The following RALGPS1 variants were observed in gnomAD, a reference collection of about 807,000 sequenced individuals.
RALGPS1 encodes Ral GEF with PH domain and SH3 binding motif 1, also known as ras-specific guanine nucleotide-releasing factor RalGPS1.
In RALGPS1, 19 loss-of-function variants were observed where a neutral mutation model predicts 78.8. The observed-to-expected ratio is 0.24, with a 90% CI of 0.17 to 0.35. RALGPS1 has a LOEUF of 0.35. Ranked by LOEUF, RALGPS1 falls within the 10% of genes least tolerant of loss-of-function variation. RALGPS1 has a pLI of 1.00. For synonymous variants in RALGPS1, 228 were observed against 256.3 expected (o/e 0.89, Z 1.06); for missense variants, 454 against 688.3 (o/e 0.66, Z 3.81).
At chr9:127,149,379 A>G (rs964912700) in intron 8 of RALGPS1, among the ~76,000 whole-genome samples, 3 of 152,230 alleles carry the variant, frequency 2.0e-5, no homozygotes, top group Non-Finnish European at 2.9e-5. Context: ...GGATCTTACT[A>G]AAGGAAGCGT....
chr9:127,197,386 C>T (rs934797312), intron 13 of RALGPS1, among the ~76,000 whole-genome samples: 2 of 151,964 alleles, frequency 1.3e-5, no homozygotes, highest in African/African-American at 4.8e-5. Flanking sequence ...GTCTGTGTGT[C>T]TGTGTGTCTG....
rs779182915 is a variant in RALGPS1 at position 127,118,344 on chromosome 9, T to C, written c.611-47725T>C. On this transcript the variant is annotated intron_variant, in intron 8 of 18. Coordinates refer to ENST00000259351, the MANE Select transcript of RALGPS1 (RefSeq NM_014636.3). ...TAGAAACTACCCCCAGAATGAGGCT[T>C]CTGACGTGACCAGTGTATCACCACA... Among the ~76,000 whole-genome samples, 32 of 152,366 alleles carry C rather than the reference T, an allele frequency of 2.1e-4. No individual in the cohort carries two copies. In the East Asian group the frequency reaches 3.9e-3, roughly 18 times the overall value.
rs558716914 is a variant in RALGPS1 at position 127,074,080 on chromosome 9, C to A, written c.610+4724C>A. ...TATTTTTGGTAGAGACGGGGTTTCA[C>A]CATGTTGGCCAGGCTGGTCTCGAAC... On this transcript the variant is annotated intron_variant, in intron 8 of 18. Transcript: ENST00000259351. Among the ~76,000 whole-genome samples, 371 of 152,272 alleles carry A rather than the reference C, an allele frequency of 2.4e-3. 3 individuals carry two copies. The highest frequency in any genetic ancestry group is 8.4e-3 in the African/African-American group (350 of 41,552).
intron 6 of RALGPS1, among the ~76,000 whole-genome samples, chr9:127,051,233 G>A (rs2048285054): frequency 6.6e-6 from 1 of 152,250 alleles, no homozygotes; most frequent in Non-Finnish European, 1.5e-5. Context: ...TGGGCCACAA[G>A]AGAAAGTAGG....
At chr9:127,210,403 C>G (rs984171678) in intron 14 of RALGPS1, 1 of 449,696 alleles carries the variant, frequency 2.2e-6, no homozygotes, top group South Asian at 2.7e-5. Flanking sequence ...AGTGGGCGTG[C>G]CTGGATTTTA....
At chr9:126,982,899 CTTT>C (rs2041412098) in intron 4 of RALGPS1, among the ~76,000 whole-genome samples, 3 of 100,768 alleles carry the variant, frequency 3.0e-5, no homozygotes, top group Non-Finnish European at 2.1e-5. Context: ...TTCTTCTCTT[CTTT>C]TCTTCTTCTT....
chr9:127,165,593 T>C (rs1357368971), intron 8 of RALGPS1, among the ~76,000 whole-genome samples: 2 of 152,236 alleles, frequency 1.3e-5, no homozygotes, highest in Non-Finnish European at 2.9e-5. Context: ...TAATTTTTTC[T>C]TTTGTTTCTT....
At chr9:127,092,777 C>T (rs1316845612) in intron 8 of RALGPS1, among the ~76,000 whole-genome samples, 1 of 151,978 alleles carries the variant, frequency 6.6e-6, no homozygotes, top group Non-Finnish European at 1.5e-5. Flanking sequence ...GAGGAGTCTC[C>T]CGCTCCTAAT....
intron 8 of RALGPS1, among the ~76,000 whole-genome samples, chr9:127,157,260 G>T (rs1341778557): frequency 6.6e-6 from 1 of 151,980 alleles, no homozygotes; most frequent in African/African-American, 2.4e-5. Flanking sequence ...TTGCAATGTT[G>T]TGTCTTCCCA....
At chr9:127,217,121 T>C in intron 18 of RALGPS1, 2 of 1,340,752 alleles carry the variant, frequency 1.5e-6, no homozygotes, top group Non-Finnish European at 1.9e-6. Flanking sequence ...CAGCAGTGCC[T>C]GGGCAGGCTG....
intron 7 of RALGPS1, among the ~76,000 whole-genome samples, chr9:127,066,467 C>T (rs2049714304): frequency 6.6e-6 from 1 of 152,144 alleles, no homozygotes; most frequent in South Asian, 2.1e-4. Flanking sequence ...ATGGTGAAAC[C>T]CCGTCTCTAC....
intron 5 of RALGPS1, 86 bp from the exon 6 acceptor site, chr9:127,049,957 C>T (rs1373632168): frequency 6.3e-6 from 6 of 948,004 alleles, no homozygotes; most frequent in South Asian, 2.7e-5. Flanking sequence ...CCCATAACAG[C>T]GGTGGGCAAG....
At chr9:127,174,295 G>A (rs900121862) in intron 10 of RALGPS1, among the ~76,000 whole-genome samples, 38 of 137,086 alleles carry the variant, frequency 2.8e-4, no homozygotes, top group Non-Finnish European at 4.6e-4. Flanking sequence ...GAAAGAGAAA[G>A]AAAGAGAAAG....
At chr9:127,172,289 C>G (rs976089799) in intron 10 of RALGPS1, among the ~76,000 whole-genome samples, 39 of 152,174 alleles carry the variant, frequency 2.6e-4, no homozygotes, top group African/African-American at 9.2e-4. Flanking sequence ...TGCCTCTGGG[C>G]TTTGGGTGTT....
intron 1 of RALGPS1, among the ~76,000 whole-genome samples, chr9:126,919,801 G>A (rs1355749329): frequency 6.6e-6 from 1 of 152,164 alleles, no homozygotes; most frequent in Admixed American, 6.5e-5. Context: ...TGCCTTTGAG[G>A]TGCTCACATG....
chr9:127,222,168 T>C lies in RALGPS1; in HGVS notation c.*3399T>C, dbSNP rs2062789563. ...GATCTGATCCCTGCCCTCATGGACC[T>C]GACCACTCAACAAACAGTCCCCACC... On this transcript the variant is annotated 3_prime_UTR_variant, in exon 19 of 19. Coordinates refer to ENST00000259351, the MANE Select transcript of RALGPS1 (RefSeq NM_014636.3). The C allele has an allele frequency of 6.6e-6, 1 of 152,280 alleles. No individual in the cohort carries two copies. Among genetic ancestry groups the C allele is most frequent in the South Asian group, 2.1e-4 (1 of 4,832 alleles). The allele number at this position is 152,280 out of a possible 1,614,324, so 9.4% of individuals were successfully genotyped here.
intron 14 of RALGPS1, among the ~76,000 whole-genome samples, chr9:127,200,909 A>G (rs557828313): frequency 6.6e-6 from 1 of 152,366 alleles, no homozygotes; most frequent in African/African-American, 2.4e-5. Context: ...CCTGTTGTTC[A>G]TTGATTGATT....
At chr9:127,110,644 G>A (rs1410076103) in intron 8 of RALGPS1, among the ~76,000 whole-genome samples, 2 of 151,976 alleles carry the variant, frequency 1.3e-5, no homozygotes, top group Non-Finnish European at 2.9e-5. Flanking sequence ...GTTTTTCCCC[G>A]TATCTCCAAC....
At position 127,212,293 on chromosome 9, in the gene RALGPS1, GC is replaced by G; in HGVS notation, c.1353+60del. On this transcript the variant is annotated intron_variant, in intron 15 of 18. Coordinates refer to ENST00000259351, the MANE Select transcript of RALGPS1 (RefSeq NM_014636.3). This position sits in a 1 kb window ranked among gnomAD's most constrained non-coding sequence, Gnocchi z 6.0. ...AGGGGCTTCCACATCTGTAAATAGT[GC>G]CCACTCCTAGAGGTCTCAGCAAAAG... 1 of 1,352,378 alleles carries G rather than the reference GC, an allele frequency of 7.4e-7. No homozygotes were observed. Among genetic ancestry groups the G allele is most frequent in the Non-Finnish European group, 1.0e-6 (1 of 969,642 alleles). The allele number at this position is 1,352,378 out of a possible 1,614,324, so 83.8% of individuals were successfully genotyped here. A position where few individuals can be genotyped will look rare whatever the true frequency, so the allele number is the denominator to read the frequency against.
Sources: gnomAD v4.1 joint callset for allele counts (sites outside exome capture counted in the v4.1 genomes callset) on GRCh38, gnomAD v4.1.1 for gene constraint, Gnocchi (gnomAD v3.1) non-coding constraint, MANE v1.5 for transcripts, NCBI Gene and HGNC (gene_info 2026-07-23, HGNC 2026-07-21) for gene names.